The following LSAMP variants were observed in gnomAD, a reference collection of about 807,000 sequenced individuals.
The protein encoded by LSAMP is limbic system-associated membrane protein.
LSAMP carries 7 observed loss-of-function variants against 38.6 expected under a neutral mutation model. The ratio of observed to expected loss-of-function variants is 0.18; its 90% CI spans 0.10 to 0.34. The LOEUF is 0.34. LSAMP is among the 10% of genes least tolerant of loss of function. LSAMP has a pLI of 1.00. For synonymous variants in LSAMP, 154 were observed against 166.8 expected (o/e 0.92, Z 0.59); for missense variants, 313 against 420.0 (o/e 0.75, Z 2.23).
chr3:116,296,392 G>C (rs1559817855), intron 1 of LSAMP, among the ~76,000 whole-genome samples: 1 of 152,036 alleles, frequency 6.6e-6, no homozygotes, highest in Non-Finnish European at 1.5e-5. Context: ...GGTTCTTCAG[G>C]TGTCAGGCTT....
At chr3:116,042,431 C>CTT (rs1013336834) in intron 2 of LSAMP, among the ~76,000 whole-genome samples, 8,619 of 134,800 alleles carry the variant, frequency 0.064, 894 homozygotes, top group African/African-American at 0.22. Context: ...AAGAGCATTT[C>CTT]TTTTTTTTTT....
At chr3:115,814,523 G>A (rs760711023) in intron 6 of LSAMP, among the ~76,000 whole-genome samples, 1 of 152,106 alleles carries the variant, frequency 6.6e-6, no homozygotes, top group Non-Finnish European at 1.5e-5. Flanking sequence ...CTGTTTTAGC[G>A]TATGCTTAGA....
At chr3:116,137,011 G>T (rs917712961) in intron 1 of LSAMP, among the ~76,000 whole-genome samples, 2 of 152,044 alleles carry the variant, frequency 1.3e-5, no homozygotes, top group Non-Finnish European at 2.9e-5. Context: ...AGGTTCTAAA[G>T]GTTTTAGGGA....
intron 1 of LSAMP, among the ~76,000 whole-genome samples, chr3:116,205,306 A>G (rs1438576734): frequency 1.4e-5 from 2 of 142,092 alleles, no homozygotes; most frequent in Non-Finnish European, 3.1e-5. Flanking sequence ...TTTTGGGCTG[A>G]GACGATGGGG....
intron 1 of LSAMP, among the ~76,000 whole-genome samples, chr3:116,432,187 T>C (rs935039687): frequency 2.6e-5 from 4 of 151,924 alleles, no homozygotes; most frequent in African/African-American, 7.2e-5. Context: ...TCTGTATAAG[T>C]GATGCAACAA....
At chr3:115,874,253 TCTC>T in intron 3 of LSAMP, among the ~76,000 whole-genome samples, 1 of 152,170 alleles carries the variant, frequency 6.6e-6, no homozygotes, top group Non-Finnish European at 1.5e-5. Flanking sequence ...CTGGGTTCCT[TCTC>T]CTCAGTCTTT....
intron 1 of LSAMP, among the ~76,000 whole-genome samples, chr3:116,250,239 C>T (rs2046662143): frequency 1.3e-5 from 2 of 152,184 alleles, no homozygotes; most frequent in African/African-American, 4.8e-5. Context: ...TGTTATCTTT[C>T]CTACAAGTAC....
At chr3:116,376,520 CT>C in intron 1 of LSAMP, among the ~76,000 whole-genome samples, 1 of 152,132 alleles carries the variant, frequency 6.6e-6, no homozygotes, top group South Asian at 2.1e-4. Context: ...CAGTTTAATT[CT>C]TGCTATTGAT....
At chr3:115,818,790 T>TTATCTATATATATATATATATA (rs1934118473) in intron 6 of LSAMP, among the ~76,000 whole-genome samples, 1 of 69,786 alleles carries the variant, frequency 1.4e-5, no homozygotes. Flanking sequence ...AGTTGTACTT[T>TTATCTATATATATATATATATA]TATATATATA....
chr3:116,384,904 T>C (rs77913450), intron 1 of LSAMP, among the ~76,000 whole-genome samples: 3,861 of 152,172 alleles, frequency 0.025, 163 homozygotes, highest in African/African-American at 0.085. Context: ...TTCTTACCTT[T>C]CACTTTCAAA....
At chr3:115,822,635 C>T (rs918412063) in intron 6 of LSAMP, among the ~76,000 whole-genome samples, 1 of 152,188 alleles carries the variant, frequency 6.6e-6, no homozygotes, top group African/African-American at 2.4e-5. Context: ...GCTGGGATTA[C>T]AGGTGTGAGC....
rs1316161825 is a variant in LSAMP at position 115,827,012 on chromosome 3, C to T, written c.919+14833G>A. 2.1e-5 allele frequency among the ~76,000 whole-genome samples: 3 copies of T among 145,296 alleles called. No individual in the cohort carries two copies. The Admixed American group carries it at 2.1e-4, about 10-fold the overall frequency. On this transcript the variant is annotated intron_variant, in intron 6 of 6. Transcript: ENST00000490035. Reference sequence around the variant, plus strand: ...GCACTTAACAGCTGTCAGCGATAAACTTACCTGTGTTCTGGAACTTCAAGG... The same window carrying T: ...GCACTTAACAGCTGTCAGCGATAAATTTACCTGTGTTCTGGAACTTCAAGG...
intron 2 of LSAMP, among the ~76,000 whole-genome samples, chr3:116,031,538 C>CTTTTTTTTT (rs56951507): frequency 3.3e-4 from 20 of 60,278 alleles, no homozygotes; most frequent in Non-Finnish European, 5.4e-4. Context: ...AGCCTAAATT[C>CTTTTTTTTT]TTTTTTTTTT....
chr3:115,841,486 A>G (rs1934994162), intron 6 of LSAMP: 1 of 166,716 alleles, frequency 6.0e-6, no homozygotes, highest in Non-Finnish European at 1.3e-5. Flanking sequence ...AACAAAAAAC[A>G]CTGTTATCCA....
chr3:116,167,848 T>TGAA (rs1292534494), intron 1 of LSAMP, among the ~76,000 whole-genome samples: 2 of 152,170 alleles, frequency 1.3e-5, no homozygotes, highest in African/African-American at 4.8e-5. Context: ...TGTGTGAATA[T>TGAA]GAAGACTGAA....
At chr3:116,013,948 T>TA (rs1227962920) in intron 3 of LSAMP, among the ~76,000 whole-genome samples, 1 of 152,182 alleles carries the variant, frequency 6.6e-6, no homozygotes, top group Non-Finnish European at 1.5e-5. Flanking sequence ...GGTTTCAGCG[T>TA]AATACTTCTC....
chr3:116,224,272 C>A (rs561241704), intron 1 of LSAMP, among the ~76,000 whole-genome samples: 22 of 152,278 alleles, frequency 1.4e-4, no homozygotes, highest in Admixed American at 3.9e-4. Flanking sequence ...TTAATTAGAC[C>A]CTTCACCCAA....
intron 1 of LSAMP, among the ~76,000 whole-genome samples, chr3:116,387,622 C>A (rs2048642142): frequency 6.6e-6 from 1 of 152,036 alleles, no homozygotes. Flanking sequence ...CTCTTTCCCC[C>A]ATGGAAAAGA....
intron 1 of LSAMP, among the ~76,000 whole-genome samples, chr3:116,314,719 C>T (rs1576119711): frequency 1.3e-5 from 2 of 152,118 alleles, no homozygotes; most frequent in South Asian, 2.1e-4. Context: ...TGCTGTACTG[C>T]GTGCTTAGCT....
Sources: allele counts gnomAD v4.1 joint callset (sites outside exome capture counted in the v4.1 genomes callset), GRCh38; gene constraint gnomAD v4.1.1; transcripts MANE v1.5; gene names NCBI Gene and HGNC (gene_info 2026-07-23, HGNC 2026-07-21).